EML4: variants seen among roughly 807,000 people sequenced by gnomAD.
The protein encoded by EML4 is EMAP like 4.
A neutral mutation model predicts 129.0 loss-of-function variants in EML4; 72 were observed. That is an observed-to-expected ratio of 0.56 (90% CI 0.46 to 0.68). The LOEUF (loss-of-function observed/expected upper bound fraction) is 0.68, where lower values mean the gene tolerates loss of function less well. Among genes scored for constraint, EML4 ranks in the 30% least tolerant of loss-of-function variants. The pLI, the probability that EML4 is intolerant of heterozygous loss-of-function variation, is 0.00. For synonymous variants in EML4, 532 were observed against 405.0 expected, an observed-to-expected ratio of 1.31 and a Z score of -3.77; for missense variants, 1,363 against 1,190.6, an observed-to-expected ratio of 1.14 and a Z score of -2.13.
intron 1 of EML4, among the ~76,000 whole-genome samples, chr2:42,187,959 G>C (rs1364045135): frequency 6.6e-6 from 1 of 152,000 alleles, no homozygotes; most frequent in Non-Finnish European, 1.5e-5. Context: ...TTATTTCTTA[G>C]TTTTTGCTCT....
intron 1 of EML4, among the ~76,000 whole-genome samples, chr2:42,233,181 G>A (rs529677018): frequency 6.6e-6 from 1 of 152,176 alleles, no homozygotes. Context: ...GCAGTTTTTG[G>A]TGCATGTGTG....
chr2:42,287,982 A>G (rs928275254), intron 10 of EML4, among the ~76,000 whole-genome samples: 1 of 152,164 alleles, frequency 6.6e-6, no homozygotes, highest in African/African-American at 2.4e-5. Flanking sequence ...GAGTGACTAG[A>G]TGGCAAGTGG....
At chr2:42,221,968 T>G (rs1181434723) in intron 1 of EML4, among the ~76,000 whole-genome samples, 2 of 151,980 alleles carry the variant, frequency 1.3e-5, no homozygotes, top group Non-Finnish European at 2.9e-5. Context: ...ACTCCTGGGC[T>G]CAAGCGATTT....
intron 2 of EML4, among the ~76,000 whole-genome samples, chr2:42,250,387 G>A (rs533674168): frequency 1.3e-5 from 2 of 152,122 alleles, no homozygotes; most frequent in Non-Finnish European, 2.9e-5. Flanking sequence ...ATTATCATAG[G>A]TTTGCTGTAA....
Position 42,331,830 on chromosome 2 carries a change from CTG to C in EML4, c.*1629_*1630del, listed in dbSNP as rs540267460. The C allele has an allele frequency of 1.2e-3, 256 of 221,376 alleles. No homozygotes were observed. In the Middle Eastern group the frequency reaches 0.015, roughly 13 times the overall value. The allele number at this position is 221,376 out of a possible 1,614,324, so 13.7% of individuals were successfully genotyped here. ...GTGTGTGAAGGGGCGAGTGGAGACA[CTG>C]TGTGTATCTCTAGATAAGAAGATAT... On this transcript the variant is annotated 3_prime_UTR_variant, in exon 23 of 23. Transcript: ENST00000318522.
intron 11 of EML4, among the ~76,000 whole-genome samples, chr2:42,292,953 G>T (rs1572703329): frequency 6.6e-6 from 1 of 152,154 alleles, no homozygotes; most frequent in East Asian, 1.9e-4. Context: ...AGATTTAACT[G>T]TCATGTAGTT....
intron 9 of EML4, 113 bp downstream of exon 9, chr2:42,284,816 G>A (rs943297871): frequency 4.5e-6 from 3 of 672,594 alleles, no homozygotes; most frequent in Middle Eastern, 2.6e-4. Flanking sequence ...TTTAAGTACT[G>A]AGGAATTTCT....
At chr2:42,322,435 C>A (rs1421076253) in intron 19 of EML4, among the ~76,000 whole-genome samples, 1 of 152,188 alleles carries the variant, frequency 6.6e-6, no homozygotes, top group African/African-American at 2.4e-5. Context: ...TAAATTGAGA[C>A]CTTGGTTGCT....
chr2:42,252,361 G>T (rs78258575), intron 2 of EML4, among the ~76,000 whole-genome samples: 1 of 152,084 alleles, frequency 6.6e-6, no homozygotes, highest in Non-Finnish European at 1.5e-5. Context: ...GGTTTCCACC[G>T]TGATTCTTAA....
intron 2 of EML4, among the ~76,000 whole-genome samples, chr2:42,246,877 A>G (rs756722634): frequency 6.6e-6 from 1 of 152,228 alleles, no homozygotes; most frequent in Non-Finnish European, 1.5e-5. Context: ...ATTTACAGCA[A>G]TATTAGAAAC....
intron 1 of EML4, among the ~76,000 whole-genome samples, chr2:42,227,925 A>G (rs749253311): frequency 6.6e-6 from 1 of 152,190 alleles, no homozygotes; most frequent in Non-Finnish European, 1.5e-5. Context: ...TAGGGAGTCA[A>G]AAATTATACA....
intron 1 of EML4, among the ~76,000 whole-genome samples, chr2:42,235,948 A>G (rs1674646299): frequency 6.6e-6 from 1 of 152,152 alleles, no homozygotes; most frequent in East Asian, 1.9e-4. Context: ...CATATCCCCC[A>G]TCTACTTTTA....
chr2:42,289,061 G>C (rs925366830), intron 11 of EML4: 1 of 152,118 alleles, frequency 6.6e-6, no homozygotes, highest in Non-Finnish European at 1.5e-5. Flanking sequence ...CAAGCTTTTA[G>C]CTTGTTGGGC....
chr2:42,179,128 T>C (rs1670785985), intron 1 of EML4, among the ~76,000 whole-genome samples: 1 of 152,242 alleles, frequency 6.6e-6, no homozygotes, highest in Admixed American at 6.5e-5. Context: ...TGTGTGTCTC[T>C]GCATGTGATA....
At chr2:42,214,720 TTAGC>T (rs1413755190) in intron 1 of EML4, among the ~76,000 whole-genome samples, 108 of 152,174 alleles carry the variant, frequency 7.1e-4, no homozygotes, top group Non-Finnish European at 2.1e-4. Flanking sequence ...GTCTGGTGCG[TTAGC>T]CGGGATGGCT....
intron 19 of EML4, chr2:42,319,988 TATAAC>T (rs1293809539): frequency 1.3e-5 from 2 of 152,234 alleles, no homozygotes; most frequent in East Asian, 1.9e-4. Context: ...AAGTAAATCT[TATAAC>T]TTACAATCTA....
At chr2:42,185,475 A>T (rs531258919) in intron 1 of EML4, among the ~76,000 whole-genome samples, 2 of 152,222 alleles carry the variant, frequency 1.3e-5, no homozygotes, top group African/African-American at 4.8e-5. Context: ...AAAGTTTTCA[A>T]CCCTTGCTTA....
At chr2:42,176,661 G>A (rs1451008420) in intron 1 of EML4, among the ~76,000 whole-genome samples, 1 of 152,088 alleles carries the variant, frequency 6.6e-6, no homozygotes, top group African/African-American at 2.4e-5. Context: ...ATTCTTCCGT[G>A]AACACTTGAT....
chr2:42,195,426 A>G (rs1671842259), intron 1 of EML4, among the ~76,000 whole-genome samples: 1 of 152,244 alleles, frequency 6.6e-6, no homozygotes, highest in African/African-American at 2.4e-5. Flanking sequence ...AGTAAACATT[A>G]GAAATAATTT....
Sources: allele counts gnomAD v4.1 joint callset (sites outside exome capture counted in the v4.1 genomes callset), GRCh38; gene constraint gnomAD v4.1.1; transcripts MANE v1.5; gene names NCBI Gene and HGNC (gene_info 2026-07-23, HGNC 2026-07-21).